The following ASAP1 variants were observed in gnomAD, a reference collection of about 807,000 sequenced individuals.
ASAP1 encodes the protein ArfGAP with SH3 domain, ankyrin repeat and PH domain 1.
A neutral mutation model predicts 145.2 loss-of-function variants in ASAP1; 43 were observed. The observed-to-expected ratio is 0.30, with a 90% CI of 0.23 to 0.38. The LOEUF (loss-of-function observed/expected upper bound fraction) is 0.38, where lower values mean the gene tolerates loss of function less well. Ranked by LOEUF, ASAP1 falls within the 10% of genes least tolerant of loss-of-function variation. The pLI is 1.00. For synonymous variants in ASAP1, 546 were observed against 515.5 expected (o/e 1.06, Z -0.80); for missense variants, 1,018 against 1,355.3 (o/e 0.75, Z 3.91).
chr8:130,124,243 T>C, intron 17 of ASAP1, 139 bp from the exon 18 acceptor site: 1 of 656,090 alleles, frequency 1.5e-6, no homozygotes, highest in South Asian at 1.8e-5. Context: ...GTCCATCTGG[T>C]CTACAAATAT....
At chr8:130,294,352 A>G (rs1382797381) in intron 3 of ASAP1, among the ~76,000 whole-genome samples, 1 of 152,220 alleles carries the variant, frequency 6.6e-6, no homozygotes, top group Non-Finnish European at 1.5e-5. Flanking sequence ...CCCCTGGTGT[A>G]CAGTCACCTC....
chr8:130,177,339 G>C (rs2136147232), intron 9 of ASAP1, among the ~76,000 whole-genome samples: 1 of 152,308 alleles, frequency 6.6e-6, no homozygotes, highest in East Asian at 1.9e-4. Flanking sequence ...TAAACTTAGA[G>C]AATTTAACGT....
Position 130,054,907 on chromosome 8 carries a change from C to T in ASAP1, c.3316-102G>A, listed in dbSNP as rs370387896. ...CAGCCTAGTCTGCCCACAGACCTGG[C>T]GGTGGAATCCCAGGCTTACCCTTCT... On this transcript the variant is annotated intron_variant, in intron 29 of 29. Coordinates refer to ENST00000518721, the MANE Select transcript of ASAP1 (RefSeq NM_018482.4). 5.4e-5 allele frequency: 48 copies of T among 881,808 alleles called. 1 individual carries two copies. Among genetic ancestry groups the T allele is most frequent in the Middle Eastern group, 6.0e-4 (2 of 3,352 alleles). The allele number at this position is 881,808 out of a possible 1,614,324, so 54.6% of individuals were successfully genotyped here.
intron 3 of ASAP1, among the ~76,000 whole-genome samples, chr8:130,325,158 T>C (rs984559214): frequency 1.3e-5 from 2 of 152,210 alleles, no homozygotes; most frequent in South Asian, 4.1e-4. Flanking sequence ...TTTCAACCTT[T>C]CCTTTTCTGA....
chr8:130,095,418 A>G (rs1416543930), intron 24 of ASAP1, among the ~76,000 whole-genome samples: 2 of 148,414 alleles, frequency 1.3e-5, no homozygotes, highest in African/African-American at 5.0e-5. Flanking sequence ...CTCCTGCCTC[A>G]GCCTCCCAAG....
intron 4 of ASAP1, among the ~76,000 whole-genome samples, chr8:130,216,393 A>G (rs994957124): frequency 2.0e-5 from 3 of 152,258 alleles, no homozygotes; most frequent in Non-Finnish European, 2.9e-5. Context: ...TCCAATATCT[A>G]ACTTACAGAA....
chr8:130,118,011 C>A (rs913133479), intron 20 of ASAP1, 150 bp downstream of exon 20: 1 of 544,610 alleles, frequency 1.8e-6, no homozygotes, highest in South Asian at 2.5e-5. Context: ...GACAGAGAGA[C>A]TTCATGCCTG....
At chr8:130,300,151 C>CAGAGAGAGAGAGAG (rs1234117059) in intron 3 of ASAP1, among the ~76,000 whole-genome samples, 12 of 84,810 alleles carry the variant, frequency 1.4e-4, no homozygotes, top group Admixed American at 8.8e-4. Context: ...CACACACACA[C>CAGAGAGAGAGAGAG]ACAGAGAGAG....
At chr8:130,414,312 T>C (rs1035204576) in intron 1 of ASAP1, among the ~76,000 whole-genome samples, 26 of 152,222 alleles carry the variant, frequency 1.7e-4, no homozygotes, top group African/African-American at 5.5e-4. Context: ...AGCCATTAAG[T>C]CTGTGCTTCC....
At chr8:130,180,278 T>C (rs184504641) in intron 8 of ASAP1, among the ~76,000 whole-genome samples, 11 of 152,326 alleles carry the variant, frequency 7.2e-5, no homozygotes, top group East Asian at 1.9e-4. Context: ...TCATGTTCAA[T>C]TGGAATTCAG....
At chr8:130,089,779 A>T (rs2097501713) in intron 25 of ASAP1, among the ~76,000 whole-genome samples, 1 of 152,258 alleles carries the variant, frequency 6.6e-6, no homozygotes, top group Non-Finnish European at 1.5e-5. Context: ...GTGTCTGTAG[A>T]CAGTATATCT....
At chr8:130,428,421 C>CCT (rs1482571524) in intron 1 of ASAP1, among the ~76,000 whole-genome samples, 1 of 1,062 alleles carries the variant, frequency 9.4e-4, no homozygotes. Context: ...ACCACCATCA[C>CCT]CATCATCATC....
intron 5 of ASAP1, among the ~76,000 whole-genome samples, chr8:130,207,856 C>T (rs1816323352): frequency 6.6e-6 from 1 of 152,074 alleles, no homozygotes; most frequent in Non-Finnish European, 1.5e-5. Context: ...GAATAGCAAC[C>T]ACATATAGGA....
intron 3 of ASAP1, among the ~76,000 whole-genome samples, chr8:130,315,590 A>C (rs1441932250): frequency 6.6e-6 from 1 of 152,188 alleles, no homozygotes; most frequent in Non-Finnish European, 1.5e-5. Context: ...CAAGAAATAG[A>C]CCACTTGTTG....
At chr8:130,063,128 C>T (rs140157360) in intron 27 of ASAP1, among the ~76,000 whole-genome samples, 81 of 152,248 alleles carry the variant, frequency 5.3e-4, no homozygotes, top group African/African-American at 1.9e-3. Flanking sequence ...TATACACTAA[C>T]TCATCAGTTA....
At chr8:130,072,831 G>GTGTGTGTGTGTGTGTGT (rs58907739) in intron 27 of ASAP1, among the ~76,000 whole-genome samples, 1 of 110,706 alleles carries the variant, frequency 9.0e-6, no homozygotes, top group African/African-American at 3.6e-5. Flanking sequence ...GTGTGCGCGC[G>GTGTGTGTGTGTGTGTGT]GGGGGGGGCA....
intron 27 of ASAP1, among the ~76,000 whole-genome samples, chr8:130,061,973 T>C (rs988786926): frequency 2.1e-4 from 32 of 152,218 alleles, no homozygotes; most frequent in African/African-American, 7.7e-4. Context: ...ACAACCTCTC[T>C]ATGCTGCAAT....
chr8:130,133,822 T>C, intron 15 of ASAP1, among the ~76,000 whole-genome samples: 1 of 152,242 alleles, frequency 6.6e-6, no homozygotes. Flanking sequence ...CTTCAGGGCC[T>C]GGCTCACCTG....
intron 1 of ASAP1, among the ~76,000 whole-genome samples, chr8:130,431,971 G>T (rs1587041817): frequency 8.1e-6 from 1 of 122,712 alleles, no homozygotes; most frequent in African/African-American, 3.1e-5. Flanking sequence ...GGAGGGGGAA[G>T]AAGGGGAAGG....
Sources: allele counts gnomAD v4.1 joint callset (sites outside exome capture counted in the v4.1 genomes callset), GRCh38; gene constraint gnomAD v4.1.1; transcripts MANE v1.5; gene names NCBI Gene and HGNC (gene_info 2026-07-23, HGNC 2026-07-21).